The following EML6 variants were observed in gnomAD, a reference collection of about 807,000 sequenced individuals.
The protein encoded by EML6 is echinoderm microtubule-associated protein-like 6.
EML6 carries 154 observed loss-of-function variants against 240.1 expected under a neutral mutation model. The ratio of observed to expected loss-of-function variants is 0.64; its 90% CI spans 0.56 to 0.73. The LOEUF (loss-of-function observed/expected upper bound fraction) is 0.73, where lower values mean the gene tolerates loss of function less well. Ranked by LOEUF, EML6 falls within the 30% of genes least tolerant of loss-of-function variation. The probability of loss-of-function intolerance (pLI) is 0.00; values close to 1 mark genes in which losing one functional copy is unlikely to be tolerated. For missense variants in EML6, 2,964 were observed against 2,474.6 expected, an observed-to-expected ratio of 1.20 and a Z score of -4.20; for synonymous variants, 1,148 against 899.0, an observed-to-expected ratio of 1.28 and a Z score of -4.95.
intron 7 of EML6, among the ~76,000 whole-genome samples, chr2:54,839,073 C>T (rs769242913): frequency 2.0e-5 from 3 of 152,098 alleles, no homozygotes; most frequent in Non-Finnish European, 2.9e-5. Flanking sequence ...CTTGGTCAGC[C>T]CAGCTGGGAC....
chr2:54,847,344 G>T (rs1669819923), intron 8 of EML6, 142 bp from the exon 9 acceptor site: 4 of 739,800 alleles, frequency 5.4e-6, no homozygotes, highest in South Asian at 4.4e-5. Context: ...TCGCTGACAG[G>T]CCATGATAAA....
At chr2:54,789,937 G>T (rs758335163) in intron 2 of EML6, among the ~76,000 whole-genome samples, 5 of 152,170 alleles carry the variant, frequency 3.3e-5, no homozygotes, top group African/African-American at 7.2e-5. Flanking sequence ...GGACCCAAAT[G>T]AGAATGAGCT....
At chr2:54,772,934 C>G (rs980698333) in intron 2 of EML6, among the ~76,000 whole-genome samples, 9 of 152,230 alleles carry the variant, frequency 5.9e-5, no homozygotes, top group Non-Finnish European at 1.2e-4. Context: ...AAATACTTCT[C>G]AGTATTTTGT....
intron 7 of EML6, among the ~76,000 whole-genome samples, chr2:54,837,350 C>G (rs1464393536): frequency 6.6e-5 from 10 of 152,158 alleles, no homozygotes; most frequent in African/African-American, 2.4e-4. Context: ...GTAATACAAA[C>G]TTTCTATGCT....
intron 15 of EML6, 125 bp downstream of exon 15, chr2:54,869,492 A>C: frequency 1.3e-6 from 1 of 748,724 alleles, no homozygotes; most frequent in Non-Finnish European, 2.2e-6. Flanking sequence ...GTGAAGATTG[A>C]ATGATCATTG....
Position 54,962,600 on chromosome 2 carries a change from TG to T in EML6, c.5047del (p.Asp1683MetfsTer40), listed in dbSNP as rs773598792. The T allele has an allele frequency of 6.5e-7, 1 of 1,549,744 alleles. No individual in the cohort carries two copies. Among genetic ancestry groups the T allele is most frequent in the Non-Finnish European group, 8.7e-7 (1 of 1,146,118 alleles). ...AAAATGCTGCTTCTAACATCCTGAT[TG>T]ATGGTCACATGGAAGGGGAGATCTG... ...EKNAASNILI[D>X]GHMEGEIWGL... On this transcript the variant is annotated frameshift_variant, in exon 36 of 42. Transcript: ENST00000356458. LOFTEE classifies it high-confidence loss of function.
At chr2:54,954,869 C>G (rs1355477914) in intron 32 of EML6, among the ~76,000 whole-genome samples, 1 of 152,216 alleles carries the variant, frequency 6.6e-6, no homozygotes, top group Non-Finnish European at 1.5e-5. Context: ...CTGTCTGCAG[C>G]TAGGCAGCCT....
At chr2:54,831,221 T>G (rs946547774) in intron 7 of EML6, among the ~76,000 whole-genome samples, 3 of 152,166 alleles carry the variant, frequency 2.0e-5, no homozygotes, top group African/African-American at 7.2e-5. Context: ...TGCCTAAACG[T>G]TGGGGAGTAC....
chr2:54,906,788 T>C lies in EML6; in HGVS notation c.3409+3286T>C, dbSNP rs561692691. 8.0e-4 allele frequency among the ~76,000 whole-genome samples: 122 copies of C among 152,284 alleles called. 2 individuals are homozygous for C. Among genetic ancestry groups the C allele is most frequent in the African/African-American group, 2.9e-3 (120 of 41,552 alleles). Reference sequence around the variant, plus strand: ...CTGATATTCCTGCATTCCCAACACCTCAGTCCCCAAAATGCCTGATCTCGA... The same window carrying C: ...CTGATATTCCTGCATTCCCAACACCCCAGTCCCCAAAATGCCTGATCTCGA... On this transcript the variant is annotated intron_variant, in intron 24 of 41. Transcript: ENST00000356458.
intron 2 of EML6, among the ~76,000 whole-genome samples, chr2:54,740,413 T>A (rs185591676): frequency 0.032 from 4,838 of 152,110 alleles, 171 homozygotes; most frequent in Admixed American, 0.12. Flanking sequence ...CTCAGCAGAG[T>A]AGAAGAAGGT....
chr2:54,901,141 CTAT>C (rs1421864870), intron 22 of EML6, among the ~76,000 whole-genome samples: 3 of 152,170 alleles, frequency 2.0e-5, no homozygotes, highest in African/African-American at 7.2e-5. Context: ...ATGAGTAAGG[CTAT>C]TATTATTGCC....
chr2:54,806,621 A>G (rs1221062623), intron 2 of EML6, among the ~76,000 whole-genome samples: 5 of 104,664 alleles, frequency 4.8e-5, no homozygotes, highest in African/African-American at 2.3e-4. Context: ...CCAAAAAAAA[A>G]AAAAAAAAAA....
intron 28 of EML6, among the ~76,000 whole-genome samples, chr2:54,942,600 G>A (rs569167742): frequency 6.6e-6 from 1 of 152,190 alleles, no homozygotes; most frequent in South Asian, 2.1e-4. Flanking sequence ...CTCTTTACCC[G>A]ACTCCCTCTC....
rs1299465482 is a variant in EML6 at position 54,964,648 on chromosome 2, C to G, written c.5408C>G (p.Thr1803Arg). The stretch of plus-strand genomic sequence containing the variant: ...GACTTCTATGACCTCACTCAGGGCA[C>G]AAATCTGAACCGCATTGGCTACTGC... Reference protein sequence around the residue: ...TVDFYDLTQGTNLNRIGYCKD... With the variant: ...TVDFYDLTQGRNLNRIGYCKD... Residue 1803 changes from threonine to arginine, a missense_variant, in exon 38 of 42, where the codon ACA becomes AGA. Physicochemically the swap from Thr to Arg is moderately conservative, Grantham distance 71 (BLOSUM62 -1). Coordinates refer to ENST00000356458, the MANE Select transcript of EML6 (RefSeq NM_001039753.4). 2 of 1,552,402 alleles carry G rather than the reference C, an allele frequency of 1.3e-6. No homozygotes were observed. The highest frequency in any genetic ancestry group is 3.9e-5 in the Admixed American group (2 of 51,022).
chr2:54,955,998 T>C (rs1417869325), intron 32 of EML6, among the ~76,000 whole-genome samples: 1 of 148,864 alleles, frequency 6.7e-6, no homozygotes, highest in African/African-American at 2.4e-5. Context: ...CTTCATTTAT[T>C]AGAGGATTGT....
Position 54,876,992 on chromosome 2 carries a change from T to A in EML6, c.2345-2555T>A, listed in dbSNP as rs913773541. ...CTCATCATCCAAAAAAAAATTTTTT[T>A]TTTTTTTTGAGACAAGGTCTCACTG... On this transcript the variant is annotated intron_variant, in intron 16 of 41. Coordinates refer to ENST00000356458, the MANE Select transcript of EML6 (RefSeq NM_001039753.4). Among the ~76,000 whole-genome samples, 13 of 152,180 alleles carry A rather than the reference T, an allele frequency of 8.5e-5. No homozygotes were observed. The South Asian group carries it at 2.7e-3, about 32-fold the overall frequency.
At chr2:54,745,149 T>C (rs1683858272) in intron 2 of EML6, among the ~76,000 whole-genome samples, 1 of 152,158 alleles carries the variant, frequency 6.6e-6, no homozygotes. Flanking sequence ...GTCCTGCTAT[T>C]GACTCCAGGG....
At chr2:54,826,514 C>T (rs962831016) in intron 5 of EML6, among the ~76,000 whole-genome samples, 5 of 152,170 alleles carry the variant, frequency 3.3e-5, no homozygotes, top group Admixed American at 2.0e-4. Context: ...GCAGGAGAAT[C>T]GCTTGAACCC....
At position 54,955,875 on chromosome 2, in the gene EML6, T is replaced by C. The variant is rs144872327; in HGVS notation, c.4486+1719T>C. Among the ~76,000 whole-genome samples, 10 of 152,334 alleles carry C rather than the reference T, an allele frequency of 6.6e-5. No individual in the cohort carries two copies. In the East Asian group the frequency reaches 1.2e-3, roughly 18 times the overall value. Reference sequence around the variant, plus strand: ...CACGGACATGTCATTTCTCCTCCCTTCCTTCTCCAGTGTGGGTTTGCCTTC... The same window carrying C: ...CACGGACATGTCATTTCTCCTCCCTCCCTTCTCCAGTGTGGGTTTGCCTTC... On this transcript the variant is annotated intron_variant, in intron 32 of 41. Coordinates refer to ENST00000356458, the MANE Select transcript of EML6 (RefSeq NM_001039753.4).
Sources: allele counts gnomAD v4.1 joint callset (sites outside exome capture counted in the v4.1 genomes callset), GRCh38; gene constraint gnomAD v4.1.1; transcripts MANE v1.5; gene names NCBI Gene and HGNC (gene_info 2026-07-23, HGNC 2026-07-21).